The following AKAP7 variants were observed in gnomAD, a reference collection of about 807,000 sequenced individuals.
AKAP7 encodes A-kinase anchoring protein 7, also known as A kinase (PRKA) anchor protein 7.
In AKAP7, 39 loss-of-function variants were observed where a neutral mutation model predicts 39.5. The ratio of observed to expected loss-of-function variants is 0.99; its 90% CI spans 0.76 to 1.29. The LOEUF (loss-of-function observed/expected upper bound fraction) is 1.29, where lower values mean the gene tolerates loss of function less well. Among genes scored for constraint, AKAP7 ranks in the 50% most tolerant of loss-of-function variants. AKAP7 has a pLI of 0.00. For synonymous variants in AKAP7, 140 were observed against 139.1 expected, an observed-to-expected ratio of 1.01 and a Z score of -0.05; for missense variants, 414 against 407.7, an observed-to-expected ratio of 1.02 and a Z score of -0.13.
At chr6:131,231,035 T>G (rs1810584774) in intron 7 of AKAP7, among the ~76,000 whole-genome samples, 2 of 152,090 alleles carry the variant, frequency 1.3e-5, no homozygotes, top group African/African-American at 4.8e-5. Flanking sequence ...AGTTCATGGG[T>G]CCAGGGAAAC....
At chr6:131,159,945 A>G in intron 2 of AKAP7, 114 bp from the exon 3 acceptor site, 1 of 1,012,706 alleles carries the variant, frequency 9.9e-7, no homozygotes, top group Non-Finnish European at 1.4e-6. Flanking sequence ...CCTGCTTTAG[A>G]TTTGAAAATG....
At chr6:131,273,480 G>A (rs1189808976) in intron 7 of AKAP7, among the ~76,000 whole-genome samples, 1 of 151,930 alleles carries the variant, frequency 6.6e-6, no homozygotes, top group East Asian at 1.9e-4. Flanking sequence ...CTTATTTGCT[G>A]TGCCTCTTTT....
At chr6:131,170,679 A>G in intron 5 of AKAP7, among the ~76,000 whole-genome samples, 1 of 152,184 alleles carries the variant, frequency 6.6e-6, no homozygotes, top group East Asian at 1.9e-4. Flanking sequence ...TTTGGCAGGG[A>G]GTGAGGATCA....
At chr6:131,277,260 T>C (rs980746357) in intron 7 of AKAP7, among the ~76,000 whole-genome samples, 1 of 152,356 alleles carries the variant, frequency 6.6e-6, no homozygotes, top group African/African-American at 2.4e-5. Flanking sequence ...TTTATATTTT[T>C]ACTATTCTCC....
At chr6:131,191,443 A>G (rs1806394207) in intron 5 of AKAP7, among the ~76,000 whole-genome samples, 1 of 152,246 alleles carries the variant, frequency 6.6e-6, no homozygotes, top group Non-Finnish European at 1.5e-5. Context: ...GTTTCATAAC[A>G]TGCTTATGCT....
At position 131,199,475 on chromosome 6, in the gene AKAP7, A is replaced by G. The variant is rs769797738; in HGVS notation, c.604A>G (p.Thr202Ala). 22 of 1,598,668 alleles carry G rather than the reference A, an allele frequency of 1.4e-5. 1 individual carries two copies. In the Admixed American group the frequency reaches 3.5e-4, roughly 26 times the overall value. ...ATTTTCTTCAGAGACTGCAAATAGG[A>G]CATTTCAAGAAAAAGGCATCCTGGT... Reference protein sequence around the residue: ...LLEIAETANRTFQEKGILVGE... With the variant: ...LLEIAETANRAFQEKGILVGE... Residue 202 changes from threonine (T) to alanine (A), a missense_variant, in exon 6 of 8, where the codon ACA becomes GCA. Transcript: ENST00000431975.
chr6:131,278,153 G>T (rs1036564310), intron 7 of AKAP7, among the ~76,000 whole-genome samples: 2 of 152,164 alleles, frequency 1.3e-5, no homozygotes, highest in African/African-American at 4.8e-5. Flanking sequence ...TTATTGTGAT[G>T]AATAATTGGT....
intron 5 of AKAP7, among the ~76,000 whole-genome samples, chr6:131,180,667 T>C (rs1213826329): frequency 6.6e-6 from 1 of 152,196 alleles, no homozygotes; most frequent in African/African-American, 2.4e-5. Context: ...CCTCCTGCGG[T>C]CAGTAGGCTA....
At chr6:131,238,354 G>T (rs949737201) in intron 7 of AKAP7, among the ~76,000 whole-genome samples, 1 of 152,270 alleles carries the variant, frequency 6.6e-6, no homozygotes. Flanking sequence ...AATACGTGTG[G>T]TGTGGTGCTG....
chr6:131,260,086 A>G (rs1813187946), intron 7 of AKAP7, among the ~76,000 whole-genome samples: 2 of 151,828 alleles, frequency 1.3e-5, no homozygotes, highest in South Asian at 4.2e-4. Context: ...TAGTTTGCTG[A>G]GGATAGTGGC....
chr6:131,261,285 A>G (rs1432881423), intron 7 of AKAP7, among the ~76,000 whole-genome samples: 3 of 152,252 alleles, frequency 2.0e-5, no homozygotes, highest in South Asian at 2.1e-4. Flanking sequence ...GAAGTATAAC[A>G]TACAAGTTTG....
rs1804845842 is a variant in AKAP7, at chr6:131,178,977, A to C, written c.589+9704A>C. Among the ~76,000 whole-genome samples, 4 of 151,932 alleles carry C rather than the reference A, an allele frequency of 2.6e-5. 1 individual carries two copies. In the South Asian group the frequency reaches 8.3e-4, roughly 32 times the overall value. On this transcript the variant is annotated intron_variant, in intron 5 of 7. Transcript: ENST00000431975. ...CTCAACAGAGTCTTTTCTGCCATAG[A>C]TCTTCTGAAAATGCCTGAGTGTTCC...
At position 131,282,719 on chromosome 6, in the gene AKAP7, A is replaced by AT; in HGVS notation, c.*996dup. 4 of 793,194 alleles carry AT rather than the reference A, an allele frequency of 5.0e-6. No individual in the cohort carries two copies. Among genetic ancestry groups the AT allele is most frequent in the Non-Finnish European group, 7.3e-6 (4 of 551,072 alleles). The allele number at this position is 793,194 out of a possible 1,614,324, so 49.1% of individuals were successfully genotyped here. A position where few individuals can be genotyped will look rare whatever the true frequency, so the allele number is the denominator to read the frequency against. ...AGTGTCTGCACAACAGCAAACCAAC[A>AT]TTTGGTGAGGAATTAGCAATTTCTT... On this transcript the variant is annotated 3_prime_UTR_variant, in exon 8 of 8. Coordinates refer to ENST00000431975, the MANE Select transcript of AKAP7 (RefSeq NM_016377.4).
chr6:131,224,064 A>G (rs1809939988), intron 7 of AKAP7, among the ~76,000 whole-genome samples: 1 of 152,180 alleles, frequency 6.6e-6, no homozygotes, highest in Non-Finnish European at 1.5e-5. Flanking sequence ...CAAGCCAATC[A>G]TTTCACATTG....
intron 5 of AKAP7, chr6:131,185,294 A>G (rs750519698): frequency 2.7e-5 from 13 of 475,928 alleles, no homozygotes; most frequent in Middle Eastern, 3.8e-4. Flanking sequence ...CCAGAGGCCA[A>G]TCCTAGAACC....
chr6:131,237,523 A>T (rs925922118), intron 7 of AKAP7, among the ~76,000 whole-genome samples: 23 of 152,074 alleles, frequency 1.5e-4, no homozygotes, highest in Admixed American at 3.3e-4. Flanking sequence ...TCGGCTGTGA[A>T]TCCATCTGGT....
chr6:131,127,709 GA>G, the AKAP7 span, among the ~76,000 whole-genome samples: 1 of 152,228 alleles, frequency 6.6e-6, no homozygotes, highest in East Asian at 1.9e-4. Context: ...CATTCTACCA[GA>G]AAGACATGCA....
chr6:131,252,793 G>A (rs918211767), intron 7 of AKAP7, among the ~76,000 whole-genome samples: 4 of 152,128 alleles, frequency 2.6e-5, no homozygotes, highest in South Asian at 2.1e-4. Flanking sequence ...CGATTGTACC[G>A]TAACCTCCTG....
upstream of AKAP7, among the ~76,000 whole-genome samples, chr6:131,132,117 C>T (rs1451962944): frequency 6.6e-6 from 1 of 152,014 alleles, no homozygotes; most frequent in Non-Finnish European, 1.5e-5. Context: ...TCGAGACCAT[C>T]TTGGCTAACA....
Sources: allele counts gnomAD v4.1 joint callset (sites outside exome capture counted in the v4.1 genomes callset), GRCh38; gene constraint gnomAD v4.1.1; transcripts MANE v1.5; gene names NCBI Gene and HGNC (gene_info 2026-07-23, HGNC 2026-07-21).